The following SIRPA variants were observed in gnomAD, a reference collection of about 807,000 sequenced individuals.
The protein encoded by SIRPA is signal regulatory protein alpha.
SIRPA carries 9 observed loss-of-function variants against 50.3 expected under a neutral mutation model. That is an observed-to-expected ratio of 0.18 (90% CI 0.11 to 0.31). The LOEUF (loss-of-function observed/expected upper bound fraction) is 0.31, where lower values mean the gene tolerates loss of function less well. SIRPA is among the 10% of genes least tolerant of loss of function. The pLI is 1.00. For missense variants in SIRPA, 474 were observed against 661.6 expected (o/e 0.72, Z 3.11); for synonymous variants, 265 against 284.1 (o/e 0.93, Z 0.68).
At chr20:1,914,355 G>A (rs573468287) in intron 1 of SIRPA, among the ~76,000 whole-genome samples, 8 of 152,182 alleles carry the variant, frequency 5.3e-5, no homozygotes, top group South Asian at 2.1e-4. Flanking sequence ...GCATTTGGAC[G>A]CTGTCCCCAG....
In SIRPA at chr20:1,895,522, G is replaced by T; in HGVS notation, c.75G>T (p.Trp25Cys). 5 of 1,458,736 alleles carry T rather than the reference G, an allele frequency of 3.4e-6. No homozygotes were observed. Among genetic ancestry groups the T allele is most frequent in the Admixed American group, 2.7e-5 (1 of 37,410 alleles). 90.4% of individuals were successfully genotyped at this position (1,458,736 alleles called of 1,614,324 possible). The change falls in exon 1 of 8, where the codon TGG (tryptophan) becomes TGT (cysteine). Residue 25 changes from tryptophan to cysteine, a missense_variant. Transcript: ENST00000358771. ...TGCTGCTCGCCGCGTCCTGCGCCTGGTCAGGTAAGCACCCCCCCGCTCCCC... is the reference window on the plus strand; with the variant it reads ...TGCTGCTCGCCGCGTCCTGCGCCTGTTCAGGTAAGCACCCCCCCGCTCCCC... ...LCLLLAASCA[W>C]SGVAGEEELQ...
chr20:1,919,133 C>G (rs1434158665), intron 2 of SIRPA, among the ~76,000 whole-genome samples: 1 of 152,240 alleles, frequency 6.6e-6, no homozygotes, highest in Non-Finnish European at 1.5e-5. Context: ...TAGTGCTCCT[C>G]CAGGCCTCAA....
At chr20:1,925,226 TCTG>T (rs1985910898) in intron 5 of SIRPA, among the ~76,000 whole-genome samples, 1 of 152,184 alleles carries the variant, frequency 6.6e-6, no homozygotes, top group Non-Finnish European at 1.5e-5. Flanking sequence ...CCGGCAGACT[TCTG>T]CTTTCCTGGT....
At chr20:1,895,623 T>A in intron 1 of SIRPA, 97 bp downstream of exon 1, 1 of 939,576 alleles carries the variant, frequency 1.1e-6, no homozygotes, top group Non-Finnish European at 1.5e-6. Context: ...TGCCGAGCAG[T>A]AATAGGGGGA....
At chr20:1,929,719 AG>A (rs1301051516) in intron 6 of SIRPA, among the ~76,000 whole-genome samples, 4 of 152,052 alleles carry the variant, frequency 2.6e-5, no homozygotes, top group African/African-American at 9.7e-5. Context: ...CAGCAAAACT[AG>A]GCTCTTCACT....
At chr20:1,906,235 A>C (rs1420535165) in intron 1 of SIRPA, among the ~76,000 whole-genome samples, 1 of 152,132 alleles carries the variant, frequency 6.6e-6, no homozygotes, top group Non-Finnish European at 1.5e-5. Flanking sequence ...GCAGAGTTGG[A>C]ATCCAAATCA....
At chr20:1,914,207 A>G (rs939132828) in intron 1 of SIRPA, among the ~76,000 whole-genome samples, 6 of 152,226 alleles carry the variant, frequency 3.9e-5, no homozygotes, top group African/African-American at 1.2e-4. Context: ...AGAACAAAGC[A>G]GAGGCCTGGG....
intron 1 of SIRPA, among the ~76,000 whole-genome samples, chr20:1,902,691 G>T (rs753704355): frequency 1.3e-5 from 2 of 152,104 alleles, no homozygotes; most frequent in Non-Finnish European, 2.9e-5. Context: ...AGGGAGGGCC[G>T]CTCTAAGGAG....
chr20:1,931,520 A>G (rs1036556277), intron 6 of SIRPA, among the ~76,000 whole-genome samples: 1 of 152,218 alleles, frequency 6.6e-6, no homozygotes, highest in African/African-American at 2.4e-5. Context: ...CAAGGGAGCC[A>G]TGAGATCACT....
chr20:1,930,963 G>A (rs2267915), intron 6 of SIRPA, among the ~76,000 whole-genome samples: 6,240 of 152,278 alleles, frequency 0.041, 166 homozygotes, highest in South Asian at 0.086. Flanking sequence ...GGACATTGTC[G>A]ATAATAGTAA....
upstream of SIRPA, chr20:1,895,265 G>A: frequency 2.3e-6 from 1 of 429,402 alleles, no homozygotes; most frequent in Admixed American, 4.7e-5. Flanking sequence ...GGGGCGGGGA[G>A]GGGGGGTCTC....
chr20:1,901,752 G>C (rs1419523818), intron 1 of SIRPA, among the ~76,000 whole-genome samples: 1 of 152,160 alleles, frequency 6.6e-6, no homozygotes, highest in Non-Finnish European at 1.5e-5. Flanking sequence ...GTGTCTGTAA[G>C]ATTTCCTGGC....
chr20:1,897,780 A>G (rs1187070381), intron 1 of SIRPA, among the ~76,000 whole-genome samples: 1 of 151,814 alleles, frequency 6.6e-6, no homozygotes, highest in East Asian at 1.9e-4. Flanking sequence ...TGGGTGGGGG[A>G]GGCAAGAGAA....
rs1260897424 is a variant in SIRPA at position 1,932,123 on chromosome 20, A to G, written c.1227-2592A>G. 6.6e-6 allele frequency among the ~76,000 whole-genome samples: 1 copy of G among 152,170 alleles called. No individual in the cohort carries two copies. The highest frequency in any genetic ancestry group is 2.4e-5 in the African/African-American group (1 of 41,440). On this transcript the variant is annotated intron_variant, in intron 6 of 7. Coordinates refer to ENST00000358771, the MANE Select transcript of SIRPA (RefSeq NM_001040023.2). The surrounding 1 kb of genome is among the most constrained non-coding windows in gnomAD (Gnocchi z 6.0). The stretch of plus-strand genomic sequence containing the variant: ...TGGACTGCTGACGATGTGCCAGCCC[A>G]GTTCTTGGTGCTGGGGCTTCAGCAG...
chr20:1,931,649 G>C (rs1986304626), intron 6 of SIRPA, among the ~76,000 whole-genome samples: 1 of 152,162 alleles, frequency 6.6e-6, no homozygotes, highest in South Asian at 2.1e-4. Flanking sequence ...AGAGGACGTT[G>C]GTGTGAGTAA....
chr20:1,912,900 G>A (rs1266822013), intron 1 of SIRPA, among the ~76,000 whole-genome samples: 5 of 152,238 alleles, frequency 3.3e-5, no homozygotes, highest in Non-Finnish European at 5.9e-5. Flanking sequence ...GCTCAGTGCT[G>A]CTGGTGCTGC....
rs1437656506 is a variant in SIRPA, at chr20:1,934,362, A to C, written c.1227-353A>C. Among the ~76,000 whole-genome samples the C allele has an allele frequency of 6.6e-6, 1 of 152,140 alleles. No individual in the cohort carries two copies. The highest frequency in any genetic ancestry group is 1.5e-5 in the Non-Finnish European group (1 of 68,022). On this transcript the variant is annotated intron_variant, in intron 6 of 7. Coordinates refer to ENST00000358771, the MANE Select transcript of SIRPA (RefSeq NM_001040023.2). The surrounding 1 kb of genome is among the most constrained non-coding windows in gnomAD (Gnocchi z 4.6). ...GATGAGGACATCTTCCAAGCTCTTG[A>C]TTTTGCCAGCTGCTTCCCAAAAGGA...
At position 1,922,638 on chromosome 20, in the gene SIRPA, C is replaced by G. The variant is rs200639123; in HGVS notation, c.1080C>G (p.Thr360=). The G allele has an allele frequency of 6.2e-7, 1 of 1,611,982 alleles. No homozygotes were observed. The highest frequency in any genetic ancestry group is 2.2e-5 in the East Asian group (1 of 44,844). Reference sequence around the variant, plus strand: ...ACCCGAAGGAGCAGGGCTCAAATACCGCCGCTGGTGAGGCCTCTATTTCAG... The same window carrying G: ...ACCCGAAGGAGCAGGGCTCAAATACGGCCGCTGGTGAGGCCTCTATTTCAG... ...SAHPKEQGSN[T]AAENTGSNER... The change falls in exon 4 of 8, where the codon ACC becomes ACG. Residue 360 remains threonine, a synonymous_variant. Coordinates refer to ENST00000358771, the MANE Select transcript of SIRPA (RefSeq NM_001040023.2).
chr20:1,920,658 T>G (rs1179099633), intron 2 of SIRPA, among the ~76,000 whole-genome samples: 2 of 152,216 alleles, frequency 1.3e-5, no homozygotes, highest in African/African-American at 4.8e-5. Context: ...TCCTTTCAAA[T>G]TTAGCACTTG....
Sources: gnomAD v4.1 joint callset for allele counts (sites outside exome capture counted in the v4.1 genomes callset) on GRCh38, gnomAD v4.1.1 for gene constraint, Gnocchi (gnomAD v3.1) non-coding constraint, MANE v1.5 for transcripts, NCBI Gene and HGNC (gene_info 2026-07-23, HGNC 2026-07-21) for gene names.